The following GPC5 variants were observed in gnomAD, a reference collection of about 807,000 sequenced individuals.
GPC5 encodes the protein glypican 5.
Under a neutral mutation model 53.9 loss-of-function variants are expected in GPC5, and 47 were observed. The ratio of observed to expected loss-of-function variants is 0.87; its 90% CI spans 0.69 to 1.11. GPC5 has a LOEUF of 1.11. GPC5 is among the 50% of genes most tolerant of loss of function. The pLI is 0.00. For synonymous variants in GPC5, 286 were observed against 263.3 expected (o/e 1.09, Z -0.84); for missense variants, 748 against 713.1 (o/e 1.05, Z -0.56).
chr13:91,434,137 C>T (rs1879717955), intron 1 of GPC5, among the ~76,000 whole-genome samples: 1 of 152,104 alleles, frequency 6.6e-6, no homozygotes, highest in Non-Finnish European at 1.5e-5. Flanking sequence ...AAAATTTTCT[C>T]CCATTCTGTA....
intron 7 of GPC5, among the ~76,000 whole-genome samples, chr13:92,556,752 C>T (rs1882508351): frequency 6.6e-6 from 1 of 151,772 alleles, no homozygotes; most frequent in Admixed American, 6.6e-5. Context: ...TAAATTTGTA[C>T]TAACCTTTTG....
chr13:92,781,225 T>C lies in GPC5; in HGVS notation c.1562-85057T>C, dbSNP rs77148184. 2.7e-3 allele frequency among the ~76,000 whole-genome samples: 410 copies of C among 152,220 alleles called. 13 individuals are homozygous for C. The East Asian group carries it at 0.074, about 28-fold the overall frequency. Reference sequence around the variant, plus strand: ...ATATTAGATGCTTCAGTAACAAATATTGCCTTTAATAAAAAACTGAATGTA... The same window carrying C: ...ATATTAGATGCTTCAGTAACAAATACTGCCTTTAATAAAAAACTGAATGTA... On this transcript the variant is annotated intron_variant, in intron 7 of 7. Coordinates refer to ENST00000377067, the MANE Select transcript of GPC5 (RefSeq NM_004466.6).
chr13:92,682,729 G>A (rs1005953723), intron 7 of GPC5, among the ~76,000 whole-genome samples: 27 of 152,058 alleles, frequency 1.8e-4, no homozygotes, highest in Admixed American at 4.6e-4. Flanking sequence ...TATCGGACAC[G>A]GGTTGTATAC....
chr13:91,820,707 T>G lies in GPC5; in HGVS notation c.1280+64287T>G, dbSNP rs371401757. Among the ~76,000 whole-genome samples, 123 of 152,306 alleles carry G rather than the reference T, an allele frequency of 8.1e-4. 2 individuals are homozygous for G. In the East Asian group the frequency reaches 0.015, roughly 19 times the overall value. On this transcript the variant is annotated intron_variant, in intron 5 of 7. Coordinates refer to ENST00000377067, the MANE Select transcript of GPC5 (RefSeq NM_004466.6). ...GGCCGGGCGCGGTGGCTCACGCCTG[T>G]AATCCCAGCACTTTGGGAGGCCGAG...
At chr13:92,249,658 T>C (rs1455935156) in intron 7 of GPC5, among the ~76,000 whole-genome samples, 1 of 152,080 alleles carries the variant, frequency 6.6e-6, no homozygotes, top group Non-Finnish European at 1.5e-5. Context: ...GTTGATGGCA[T>C]GCTCAATGGT....
chr13:92,221,237 A>G (rs1047398907), intron 7 of GPC5, among the ~76,000 whole-genome samples: 1 of 152,098 alleles, frequency 6.6e-6, no homozygotes, highest in African/African-American at 2.4e-5. Flanking sequence ...ATGCTATCTA[A>G]TTTCTTAGAA....
chr13:91,747,060 T>G (rs1024036317), intron 4 of GPC5, among the ~76,000 whole-genome samples: 3 of 152,244 alleles, frequency 2.0e-5, no homozygotes, highest in African/African-American at 7.2e-5. Flanking sequence ...TTACTTCAGG[T>G]GGGAGGGATG....
At chr13:92,405,503 T>C (rs1238871146) in intron 7 of GPC5, among the ~76,000 whole-genome samples, 2 of 152,234 alleles carry the variant, frequency 1.3e-5, no homozygotes, top group African/African-American at 4.8e-5. Flanking sequence ...ATTTTTAATA[T>C]TCAAAATTCT....
intron 7 of GPC5, among the ~76,000 whole-genome samples, chr13:92,366,217 A>G (rs1421787572): frequency 6.6e-6 from 1 of 151,800 alleles, no homozygotes; most frequent in Non-Finnish European, 1.5e-5. Context: ...TGTATTTGGC[A>G]AATGATTGTA....
At chr13:92,051,562 T>C (rs1341259256) in intron 6 of GPC5, among the ~76,000 whole-genome samples, 3 of 152,194 alleles carry the variant, frequency 2.0e-5, no homozygotes, top group African/African-American at 7.2e-5. Context: ...ACCCACACCT[T>C]GAGCTGACCA....
intron 2 of GPC5, among the ~76,000 whole-genome samples, chr13:91,514,394 A>C (rs902810338): frequency 1.3e-5 from 2 of 152,180 alleles, no homozygotes; most frequent in Non-Finnish European, 2.9e-5. Flanking sequence ...TAATAGGCTA[A>C]TGCTGTTGAA....
At chr13:92,189,137 C>A (rs2042204597) in intron 7 of GPC5, among the ~76,000 whole-genome samples, 1 of 152,122 alleles carries the variant, frequency 6.6e-6, no homozygotes, top group Non-Finnish European at 1.5e-5. Context: ...TACTAGGTCC[C>A]CACGGTGACT....
intron 7 of GPC5, among the ~76,000 whole-genome samples, chr13:92,591,720 C>T (rs561477149): frequency 3.3e-5 from 5 of 151,996 alleles, no homozygotes; most frequent in African/African-American, 1.2e-4. Context: ...AATTATATAT[C>T]CTTCGACCAA....
At chr13:92,506,164 TGTATTTAATAGTAGTAAAAAGCTTGGAA>T (rs1163623480) in intron 7 of GPC5, among the ~76,000 whole-genome samples, 1 of 152,112 alleles carries the variant, frequency 6.6e-6, no homozygotes, top group Non-Finnish European at 1.5e-5. Flanking sequence ...TACCAAACTT[TGTATTTAATAGTAGTAAAAAGCTTGGAA>T]GATGAGCTGC....
chr13:91,773,357 T>A (rs1158601358), intron 5 of GPC5, among the ~76,000 whole-genome samples: 1 of 152,150 alleles, frequency 6.6e-6, no homozygotes, highest in Non-Finnish European at 1.5e-5. Context: ...AATGGCTATT[T>A]TTGGATTTTT....
At chr13:92,797,590 A>G (rs1455524080) in intron 7 of GPC5, among the ~76,000 whole-genome samples, 3 of 151,878 alleles carry the variant, frequency 2.0e-5, no homozygotes, top group Non-Finnish European at 2.9e-5. Context: ...CTAAATACAA[A>G]TCTTTAAATA....
intron 6 of GPC5, among the ~76,000 whole-genome samples, chr13:91,935,682 C>T (rs994493502): frequency 6.6e-6 from 1 of 151,922 alleles, no homozygotes; most frequent in Non-Finnish European, 1.5e-5. Flanking sequence ...GGTATAATTT[C>T]CCAAAATAGA....
At chr13:91,586,964 G>T (rs1490659982) in intron 2 of GPC5, among the ~76,000 whole-genome samples, 2 of 152,010 alleles carry the variant, frequency 1.3e-5, no homozygotes, top group Admixed American at 6.6e-5. Context: ...CATGTAGGAA[G>T]AAACATTTCT....
intron 7 of GPC5, among the ~76,000 whole-genome samples, chr13:92,616,773 C>A (rs1056470186): frequency 6.6e-6 from 1 of 152,064 alleles, no homozygotes; most frequent in Non-Finnish European, 1.5e-5. Context: ...TGTGAAACTT[C>A]ATGTATGAAA....
Sources: gnomAD v4.1 joint callset for allele counts (sites outside exome capture counted in the v4.1 genomes callset) on GRCh38, gnomAD v4.1.1 for gene constraint, MANE v1.5 for transcripts, NCBI Gene and HGNC (gene_info 2026-07-23, HGNC 2026-07-21) for gene names.